Variants in CNOT6 observed in about 807,000 individuals in gnomAD.
CNOT6 encodes carbon catabolite repression 4 protein.
CNOT6 carries 12 observed loss-of-function variants against 61.2 expected under a neutral mutation model. The ratio of observed to expected loss-of-function variants is 0.20; its 90% CI spans 0.13 to 0.32. CNOT6 has a LOEUF of 0.32. CNOT6 is among the 10% of genes least tolerant of loss of function. The pLI is 1.00. For missense variants in CNOT6, 405 were observed against 663.9 expected, an observed-to-expected ratio of 0.61 and a Z score of 4.28; for synonymous variants, 225 against 240.6, an observed-to-expected ratio of 0.94 and a Z score of 0.60.
Position 180,563,433 on chromosome 5 carries a change from G to A in CNOT6, c.386-1056G>A, listed in dbSNP as rs557099558. 6.6e-5 allele frequency among the ~76,000 whole-genome samples: 10 copies of A among 151,332 alleles called. No homozygotes were observed. The South Asian group carries it at 1.5e-3, about 22-fold the overall frequency. On this transcript the variant is annotated intron_variant, in intron 4 of 11. Coordinates refer to ENST00000261951, the MANE Select transcript of CNOT6 (RefSeq NM_001370472.1). ...TTTCTTTTATATTTTTAGTAGAGACGAGGTTTCACCGTGTTAGCCAGGATG... is the reference window on the plus strand; with the variant it reads ...TTTCTTTTATATTTTTAGTAGAGACAAGGTTTCACCGTGTTAGCCAGGATG...
chr5:180,514,404 A>G (rs903080378), intron 1 of CNOT6, among the ~76,000 whole-genome samples: 1 of 152,230 alleles, frequency 6.6e-6, no homozygotes, highest in Non-Finnish European at 1.5e-5. Flanking sequence ...CCTAGGCGAA[A>G]GAGCGAAACT....
At chr5:180,513,712 T>C (rs1026056131) in intron 1 of CNOT6, among the ~76,000 whole-genome samples, 2 of 149,566 alleles carry the variant, frequency 1.3e-5, no homozygotes, top group African/African-American at 4.9e-5. Flanking sequence ...TATTTATTTA[T>C]TTATTTTTGA....
At chr5:180,514,764 T>G (rs945278504) in intron 1 of CNOT6, among the ~76,000 whole-genome samples, 17 of 152,346 alleles carry the variant, frequency 1.1e-4, no homozygotes, top group African/African-American at 3.8e-4. Flanking sequence ...AGTAAATATT[T>G]GTTGAATAAA....
intron 4 of CNOT6, among the ~76,000 whole-genome samples, chr5:180,553,865 T>A (rs1759739282): frequency 6.6e-6 from 1 of 152,198 alleles, no homozygotes; most frequent in Non-Finnish European, 1.5e-5. Flanking sequence ...TTGAACCTGC[T>A]GATGATCAAG....
intron 2 of CNOT6, among the ~76,000 whole-genome samples, chr5:180,539,347 A>G (rs1480722080): frequency 6.6e-6 from 1 of 150,500 alleles, no homozygotes; most frequent in Non-Finnish European, 1.5e-5. Flanking sequence ...GTAGTTATTC[A>G]TTATTAGGCT....
intron 2 of CNOT6, among the ~76,000 whole-genome samples, chr5:180,546,899 A>G (rs749803218): frequency 5.9e-5 from 9 of 152,364 alleles, no homozygotes; most frequent in African/African-American, 2.4e-5. Flanking sequence ...ATGCTTACAT[A>G]TATGTATGTG....
intron 1 of CNOT6, among the ~76,000 whole-genome samples, chr5:180,521,484 T>C (rs1471373053): frequency 6.6e-6 from 1 of 152,214 alleles, no homozygotes; most frequent in Non-Finnish European, 1.5e-5. Context: ...TTTTGGGGTG[T>C]GTATATTTTC....
At chr5:180,525,460 GC>G (rs1413250591) in intron 1 of CNOT6, among the ~76,000 whole-genome samples, 1 of 151,754 alleles carries the variant, frequency 6.6e-6, no homozygotes, top group Non-Finnish European at 1.5e-5. Context: ...TGGCTTTTGA[GC>G]CTGGGAGGTG....
In CNOT6 at chr5:180,575,406, C is replaced by A. The variant is rs1459921725; in HGVS notation, c.*1206C>A. On this transcript the variant is annotated 3_prime_UTR_variant, in exon 12 of 12. Coordinates refer to ENST00000261951, the MANE Select transcript of CNOT6 (RefSeq NM_001370472.1). Reference sequence around the variant, plus strand: ...GTGCTGCTTGTCACCCAGAATACTACTATCATGTGAATTCTTTTTGTCGTC... The same window carrying A: ...GTGCTGCTTGTCACCCAGAATACTAATATCATGTGAATTCTTTTTGTCGTC... 2.0e-5 allele frequency: 3 copies of A among 151,966 alleles called. No individual in the cohort carries two copies. The East Asian group carries it at 5.8e-4, about 29-fold the overall frequency. The allele number at this position is 151,966 out of a possible 1,614,324, so 9.4% of individuals were successfully genotyped here.
At chr5:180,559,916 CT>C (rs1374975280) in intron 4 of CNOT6, among the ~76,000 whole-genome samples, 1 of 150,928 alleles carries the variant, frequency 6.6e-6, no homozygotes, top group Non-Finnish European at 1.5e-5. Flanking sequence ...AGAATATTTT[CT>C]TTACATAAAT....
intron 2 of CNOT6, among the ~76,000 whole-genome samples, chr5:180,532,452 C>A (rs1466888525): frequency 6.6e-6 from 1 of 152,130 alleles, no homozygotes; most frequent in Non-Finnish European, 1.5e-5. Context: ...CTCTGCTTAC[C>A]CTGAACTTTG....
At chr5:180,520,104 G>GAT (rs1315154584) in intron 1 of CNOT6, among the ~76,000 whole-genome samples, 1 of 152,038 alleles carries the variant, frequency 6.6e-6, no homozygotes, top group East Asian at 1.9e-4. Context: ...AACGTGCTGG[G>GAT]ATTATAGGTG....
chr5:180,561,014 G>A (rs910432118), intron 4 of CNOT6, among the ~76,000 whole-genome samples: 6 of 152,122 alleles, frequency 3.9e-5, no homozygotes, highest in Non-Finnish European at 7.4e-5. Flanking sequence ...GCAGTGGCAC[G>A]ATCTTGGCTC....
In CNOT6 at chr5:180,494,536, G is replaced by A. The variant is rs1055093417; in HGVS notation, c.-230G>A. 1.3e-5 allele frequency: 2 copies of A among 153,400 alleles called. No homozygotes were observed. The highest frequency in any genetic ancestry group is 4.8e-5 in the African/African-American group (2 of 41,312). The allele number at this position is 153,400 out of a possible 1,614,324, so 9.5% of individuals were successfully genotyped here. On this transcript the variant is annotated 5_prime_UTR_variant, in exon 1 of 12. Transcript: ENST00000261951. ...GGAGGGCGAGGCCGGGGGCCGAGAG[G>A]GCGGGAGGGCGTAGTGGCGGCCCGT...
chr5:180,533,008 C>T (rs140100259), intron 2 of CNOT6, among the ~76,000 whole-genome samples: 64 of 152,264 alleles, frequency 4.2e-4, no homozygotes, highest in African/African-American at 1.3e-3. Flanking sequence ...CCTGTTCTTT[C>T]GGGTTTTTAT....
Position 180,571,423 on chromosome 5 carries a change from T to A in CNOT6, c.1452T>A (p.Phe484Leu), listed in dbSNP as rs1328293601. 1 of 1,612,498 alleles carries A rather than the reference T, an allele frequency of 6.2e-7. No individual in the cohort carries two copies. The highest frequency in any genetic ancestry group is 1.7e-5 in the Admixed American group (1 of 59,992). ...TGATGCCTTACACGAATTACACATT[T>A]GATTTCAAGGTGTGTCTTGAGACTG... ...SGLMPYTNYT[F>L]DFKGIIDYIF... The change falls in exon 11 of 12, where the codon TTT (phenylalanine) becomes TTA (leucine). Residue 484 changes from phenylalanine to leucine, a missense_variant. Phe to Leu is a conservative substitution (Grantham distance 22, BLOSUM62 0). Around this residue, in one of 5 missense-constraint regions of CNOT6, gnomAD observed 1 missense variants for 17.5 expected, o/e 0.06. Coordinates refer to ENST00000261951, the MANE Select transcript of CNOT6 (RefSeq NM_001370472.1).
At chr5:180,544,046 C>T (rs1199851564) in intron 2 of CNOT6, among the ~76,000 whole-genome samples, 9 of 152,136 alleles carry the variant, frequency 5.9e-5, no homozygotes, top group African/African-American at 9.7e-5. Context: ...CTCCTGACCT[C>T]GTGATCCACC....
chr5:180,533,311 C>CATATATATATATATATATATATATAT (rs1305701783), intron 2 of CNOT6, among the ~76,000 whole-genome samples: 2 of 65,218 alleles, frequency 3.1e-5, no homozygotes, highest in African/African-American at 5.7e-5. Context: ...TGGATGAAAA[C>CATATATATATATATATATATATATAT]CTATATATAT....
intron 2 of CNOT6, 84 bp from the exon 3 acceptor site, chr5:180,549,847 A>G: frequency 9.4e-7 from 1 of 1,068,344 alleles, no homozygotes; most frequent in Non-Finnish European, 1.4e-6. Flanking sequence ...GTTACTCATA[A>G]AAACATCTAA....
Sources: gnomAD v4.1 joint callset for allele counts (sites outside exome capture counted in the v4.1 genomes callset) on GRCh38, gnomAD v4.1.1 for gene constraint, gnomAD v4.1.1 regional missense constraint, MANE v1.5 for transcripts, NCBI Gene and HGNC (gene_info 2026-07-23, HGNC 2026-07-21) for gene names.